The following THNSL1 variants were observed in gnomAD, a reference collection of about 807,000 sequenced individuals.
THNSL1 encodes threonine synthase-like 1.
Under a neutral mutation model 50.4 loss-of-function variants are expected in THNSL1, and 48 were observed. The ratio of observed to expected loss-of-function variants is 0.95; its 90% CI spans 0.76 to 1.21. The LOEUF (loss-of-function observed/expected upper bound fraction) is 1.21, where lower values mean the gene tolerates loss of function less well. THNSL1 is among the 50% of genes most tolerant of loss of function. The probability of loss-of-function intolerance (pLI) is 0.00; values close to 1 mark genes in which losing one functional copy is unlikely to be tolerated. For synonymous variants in THNSL1, 309 were observed against 306.1 expected (o/e 1.01, Z -0.10); for missense variants, 896 against 871.7 (o/e 1.03, Z -0.35).
At chr10:25,010,857 G>A in the THNSL1 span, among the ~76,000 whole-genome samples, 4 of 151,414 alleles carry the variant, frequency 2.6e-5, no homozygotes, top group African/African-American at 9.7e-5. Context: ...TTGGACATTT[G>A]GGTTGGTTCC....
At chr10:24,976,515 G>C in the THNSL1 span, among the ~76,000 whole-genome samples, 1 of 151,782 alleles carries the variant, frequency 6.6e-6, no homozygotes. Context: ...TTGAGACTGA[G>C]TTTCATTCTT....
Position 25,024,436 on chromosome 10 carries a change from G to A in THNSL1, c.1213G>A (p.Ala405Thr), listed in dbSNP as rs770557298. The A allele has an allele frequency of 6.8e-6, 11 of 1,614,018 alleles. 1 individual carries two copies. In the South Asian group the frequency reaches 1.2e-4, roughly 18 times the overall value. Residue 405 changes from alanine to threonine, a missense_variant, in exon 3 of 3, where the codon GCA (alanine) becomes ACA (threonine). Physicochemically the swap from Ala to Thr is moderately conservative, Grantham distance 58. Transcript: ENST00000376356. Reference sequence around the variant, plus strand: ...TGATAAGCAAAGGATAGCTGTGGTTGCATTTTTTCCTGAGAATGGAGTAAG... The same window carrying A: ...TGATAAGCAAAGGATAGCTGTGGTTACATTTTTTCCTGAGAATGGAGTAAG... ...KNDKQRIAVV[A>T]FFPENGVSDF...
At chr10:24,964,124 C>G in the THNSL1 span, among the ~76,000 whole-genome samples, 1 of 152,206 alleles carries the variant, frequency 6.6e-6, no homozygotes, top group African/African-American at 2.4e-5. Context: ...AACCCAGTAG[C>G]ACCCCCAATT....
the THNSL1 span, among the ~76,000 whole-genome samples, chr10:24,961,014 GT>G: frequency 6.6e-6 from 1 of 152,148 alleles, no homozygotes; most frequent in Non-Finnish European, 1.5e-5. Flanking sequence ...CAGCCATTCT[GT>G]TTATAACTTT....
the THNSL1 span, among the ~76,000 whole-genome samples, chr10:25,000,307 CTGGAG>C: frequency 6.6e-6 from 1 of 152,088 alleles, no homozygotes; most frequent in African/African-American, 2.4e-5. Flanking sequence ...CCGCTGTTGG[CTGGAG>C]TGTTCTATAA....
the THNSL1 span, among the ~76,000 whole-genome samples, chr10:24,967,995 A>ATGTGTGTGTG: frequency 4.8e-4 from 67 of 139,678 alleles, no homozygotes; most frequent in African/African-American, 1.7e-3. Flanking sequence ...TATGTGTATG[A>ATGTGTGTGTG]TGTGTGTGTG....
At chr10:24,967,676 T>C in the THNSL1 span, among the ~76,000 whole-genome samples, 1 of 150,826 alleles carries the variant, frequency 6.6e-6, no homozygotes, top group South Asian at 2.1e-4. Context: ...ATGATGTGTG[T>C]GTATGATGTG....
At chr10:24,968,211 C>T in the THNSL1 span, among the ~76,000 whole-genome samples, 7 of 152,202 alleles carry the variant, frequency 4.6e-5, no homozygotes, top group African/African-American at 1.4e-4. Context: ...CAAGGTTTTC[C>T]CAGGCCCAGA....
the THNSL1 span, among the ~76,000 whole-genome samples, chr10:24,965,693 C>A: frequency 6.6e-6 from 1 of 152,156 alleles, no homozygotes; most frequent in African/African-American, 2.4e-5. Context: ...TTGAGCAGCT[C>A]TAGTTATTGA....
At chr10:24,970,746 G>A in the THNSL1 span, among the ~76,000 whole-genome samples, 6 of 150,454 alleles carry the variant, frequency 4.0e-5, no homozygotes, top group Non-Finnish European at 7.4e-5. Flanking sequence ...GTTTGGGGCC[G>A]GGCACGATGG....
chr10:24,960,121 A>G, the THNSL1 span, among the ~76,000 whole-genome samples: 2 of 151,860 alleles, frequency 1.3e-5, no homozygotes, highest in African/African-American at 4.8e-5. Context: ...GAATAGCAAG[A>G]GAGATGAAAG....
the THNSL1 span, among the ~76,000 whole-genome samples, chr10:24,952,899 C>T: frequency 3.8e-4 from 57 of 151,954 alleles, no homozygotes; most frequent in African/African-American, 1.3e-3. The surrounding 1 kb of genome is among the most constrained non-coding windows in gnomAD (Gnocchi z 5.1). Flanking sequence ...CGGATGGTCG[C>T]GTGCAGCCCC....
At chr10:25,016,215 AC>A, upstream of THNSL1, 4 of 1,129,996 alleles carry the variant, frequency 3.5e-6, no homozygotes, top group Non-Finnish European at 4.3e-6. Context: ...AGCACCGCAA[AC>A]TAGGTCTCCC....
chr10:25,017,598 A>G (rs4747510), intron 1 of THNSL1, among the ~76,000 whole-genome samples: 37,829 of 151,374 alleles, frequency 0.25, 5,647 homozygotes, highest in East Asian at 0.5. Context: ...GAATTTCACT[A>G]CATAAGAATA....
chr10:24,967,945 T>C, the THNSL1 span, among the ~76,000 whole-genome samples: 1 of 150,812 alleles, frequency 6.6e-6, no homozygotes, highest in African/African-American at 2.4e-5. Flanking sequence ...TATATGTGTG[T>C]ATGTGTATGA....
rs746629729 is a variant in THNSL1 at position 25,023,488 on chromosome 10, G to T, written c.265G>T (p.Asp89Tyr). 20 of 1,613,964 alleles carry T rather than the reference G, an allele frequency of 1.2e-5. No individual in the cohort carries two copies. Among genetic ancestry groups the T allele is most frequent in the Non-Finnish European group, 1.7e-5 (20 of 1,180,002 alleles). ...TTGTTGTGTCATAGATGTGGATGATGATATCCTTGAAAAAACCTGGAATAT... is the reference window on the plus strand; with the variant it reads ...TTGTTGTGTCATAGATGTGGATGATTATATCCTTGAAAAAACCTGGAATAT... ...LGCCVIDVDD[D>Y]ILEKTWNMSV... The change falls in exon 3 of 3, where the codon GAT becomes TAT. Residue 89 changes from aspartate to tyrosine, a missense_variant. Coordinates refer to ENST00000376356, the MANE Select transcript of THNSL1 (RefSeq NM_024838.5).
At chr10:25,016,994 C>T (rs1457981183) in intron 1 of THNSL1, among the ~76,000 whole-genome samples, 4 of 152,176 alleles carry the variant, frequency 2.6e-5, no homozygotes, top group Non-Finnish European at 5.9e-5. Context: ...ACGGGGCCCG[C>T]GGCCTCCTCC....
At chr10:24,962,009 T>G in the THNSL1 span, among the ~76,000 whole-genome samples, 1 of 152,156 alleles carries the variant, frequency 6.6e-6, no homozygotes, top group Non-Finnish European at 1.5e-5. Flanking sequence ...ACCTAAGGAG[T>G]GCTCAAAACC....
the THNSL1 span, among the ~76,000 whole-genome samples, chr10:24,962,800 C>A: frequency 6.6e-6 from 1 of 152,156 alleles, no homozygotes; most frequent in African/African-American, 2.4e-5. Context: ...CCTTCTGAAC[C>A]TAAAGCTCAG....
Sources: allele counts gnomAD v4.1 joint callset (sites outside exome capture counted in the v4.1 genomes callset), GRCh38; gene constraint gnomAD v4.1.1; non-coding constraint Gnocchi (gnomAD v3.1); transcripts MANE v1.5; gene names NCBI Gene and HGNC (gene_info 2026-07-23, HGNC 2026-07-21).